CNIH3: variants seen among roughly 807,000 people sequenced by gnomAD.
CNIH3 encodes protein cornichon homolog 3.
A neutral mutation model predicts 24.1 loss-of-function variants in CNIH3; 14 were observed. That is an observed-to-expected ratio of 0.58 (90% CI 0.38 to 0.91). The LOEUF is 0.91. Ranked by LOEUF, CNIH3 falls within the 40% of genes least tolerant of loss-of-function variation. The probability of loss-of-function intolerance (pLI) is 0.00; values close to 1 mark genes in which losing one functional copy is unlikely to be tolerated. For missense variants in CNIH3, 178 were observed against 196.8 expected, an observed-to-expected ratio of 0.90 and a Z score of 0.57; for synonymous variants, 68 against 73.8, an observed-to-expected ratio of 0.92 and a Z score of 0.40.
upstream of CNIH3, among the ~76,000 whole-genome samples, chr1:224,512,217 C>T (rs1192969298): frequency 6.6e-6 from 1 of 150,390 alleles, no homozygotes; most frequent in Non-Finnish European, 1.5e-5. Context: ...GGCATGGTGG[C>T]TCATGCCTGT....
At chr1:224,512,111 G>T (rs1326904998), upstream of CNIH3, among the ~76,000 whole-genome samples, 4 of 151,438 alleles carry the variant, frequency 2.6e-5, no homozygotes, top group Non-Finnish European at 5.9e-5. Flanking sequence ...GGAGGTGGAG[G>T]TTGCAGTGAG....
intron 1 of CNIH3, among the ~76,000 whole-genome samples, chr1:224,502,267 T>C (rs1490278590): frequency 1.3e-5 from 2 of 151,850 alleles, no homozygotes; most frequent in African/African-American, 4.8e-5. Context: ...AAATAAGTGG[T>C]GTGAGTGAGA....
intron 1 of CNIH3, among the ~76,000 whole-genome samples, chr1:224,491,688 C>T (rs1278662186): frequency 6.6e-6 from 1 of 152,108 alleles, no homozygotes; most frequent in Non-Finnish European, 1.5e-5. Flanking sequence ...TCACTGCAAC[C>T]TCTGCCTCCC....
intron 1 of CNIH3, among the ~76,000 whole-genome samples, chr1:224,638,557 C>G (rs1684203177): frequency 1.3e-5 from 2 of 152,154 alleles, no homozygotes; most frequent in African/African-American, 4.8e-5. Flanking sequence ...ATTCTGGGCC[C>G]CAGTTTCCTG....
chr1:224,520,082 C>A (rs906386134), intron 1 of CNIH3, among the ~76,000 whole-genome samples: 1 of 152,172 alleles, frequency 6.6e-6, no homozygotes, highest in Non-Finnish European at 1.5e-5. Context: ...ACAACAGCTG[C>A]ATCTTTGCCA....
intron 3 of CNIH3, among the ~76,000 whole-genome samples, chr1:224,723,325 C>T (rs1419321601): frequency 6.8e-6 from 1 of 145,992 alleles, no homozygotes; most frequent in African/African-American, 2.8e-5. Context: ...CTGGTTTTGA[C>T]CCCCCTTCTC....
chr1:224,606,331 G>A (rs115846121), intron 3 of CNIH3, among the ~76,000 whole-genome samples: 3 of 152,124 alleles, frequency 2.0e-5, no homozygotes, highest in Non-Finnish European at 2.9e-5. Flanking sequence ...GAAGGGTGGC[G>A]AATGTGGAGG....
At chr1:224,583,776 C>T (rs1044975782) in intron 5 of CNIH3, among the ~76,000 whole-genome samples, 5 of 152,058 alleles carry the variant, frequency 3.3e-5, no homozygotes, top group Non-Finnish European at 5.9e-5. Flanking sequence ...GGCTAAAAAT[C>T]CATGAAATAG....
chr1:224,739,546 T>A lies in CNIH3; in HGVS notation c.*190T>A. On this transcript the variant is annotated 3_prime_UTR_variant, in exon 6 of 6. Coordinates refer to ENST00000272133, the MANE Select transcript of CNIH3 (RefSeq NM_152495.2). ...GCCGAGTTAACCCTGCGTGTCTGTGTCACCCTGTTTGTCAATCTTTGGCAT... is the reference window on the plus strand; with the variant it reads ...GCCGAGTTAACCCTGCGTGTCTGTGACACCCTGTTTGTCAATCTTTGGCAT... 1 of 1,037,252 alleles carries A rather than the reference T, an allele frequency of 9.6e-7. No homozygotes were observed. The highest frequency in any genetic ancestry group is 1.4e-6 in the Non-Finnish European group (1 of 721,894). 64.3% of individuals were successfully genotyped at this position (1,037,252 alleles called of 1,614,324 possible). A position where few individuals can be genotyped will look rare whatever the true frequency, so the allele number is the denominator to read the frequency against.
intron 5 of CNIH3, 108 bp downstream of exon 5, chr1:224,734,814 G>A: frequency 8.6e-7 from 1 of 1,157,162 alleles, no homozygotes; most frequent in Non-Finnish European, 1.3e-6. Flanking sequence ...GAGGGTGGGA[G>A]TCATGGCCAT....
At chr1:224,534,047 C>A (rs550821986) in intron 2 of CNIH3, among the ~76,000 whole-genome samples, 1 of 152,282 alleles carries the variant, frequency 6.6e-6, no homozygotes, top group African/African-American at 2.4e-5. Flanking sequence ...TGCCTGTGGT[C>A]CCAGCTACTC....
chr1:224,598,490 C>T (rs1682078184), intron 3 of CNIH3, among the ~76,000 whole-genome samples: 1 of 152,112 alleles, frequency 6.6e-6, no homozygotes, highest in African/African-American at 2.4e-5. Flanking sequence ...AGAATTGACC[C>T]CAATTTTAAA....
intron 1 of CNIH3, among the ~76,000 whole-genome samples, chr1:224,651,570 C>T (rs1162293027): frequency 2.0e-5 from 3 of 152,326 alleles, no homozygotes; most frequent in African/African-American, 7.2e-5. Flanking sequence ...CTTACATAAA[C>T]ACTAATGCTT....
intron 2 of CNIH3, among the ~76,000 whole-genome samples, chr1:224,542,717 T>C (rs61825839): frequency 0.2 from 29,737 of 152,132 alleles, 3,072 homozygotes; most frequent in South Asian, 0.35. Flanking sequence ...ACAGCCAAGG[T>C]GTCTTCCTAG....
chr1:224,636,734 G>A (rs1183106527), intron 1 of CNIH3, among the ~76,000 whole-genome samples: 1 of 152,126 alleles, frequency 6.6e-6, no homozygotes, highest in Non-Finnish European at 1.5e-5. Context: ...GGCATTGGTT[G>A]TTTTCTGGAT....
At chr1:224,720,353 G>A (rs938778394) in intron 3 of CNIH3, among the ~76,000 whole-genome samples, 4 of 151,726 alleles carry the variant, frequency 2.6e-5, no homozygotes, top group African/African-American at 9.7e-5. Flanking sequence ...GCATAGCGGT[G>A]CATGAGGTCA....
At chr1:224,570,574 G>A (rs1245642514) in intron 4 of CNIH3, among the ~76,000 whole-genome samples, 2 of 152,072 alleles carry the variant, frequency 1.3e-5, no homozygotes, top group African/African-American at 4.8e-5. Context: ...ACTTCTTTAT[G>A]TATTTTGATA....
intron 3 of CNIH3, among the ~76,000 whole-genome samples, chr1:224,556,781 T>C (rs1490670129): frequency 6.6e-6 from 1 of 152,136 alleles, no homozygotes; most frequent in Admixed American, 6.6e-5. Flanking sequence ...TGTGGCCTGG[T>C]TCCTAACACG....
At chr1:224,701,399 G>A (rs1247148385) in intron 3 of CNIH3, among the ~76,000 whole-genome samples, 1 of 152,096 alleles carries the variant, frequency 6.6e-6, no homozygotes, top group Non-Finnish European at 1.5e-5. Flanking sequence ...CCACTTCCTG[G>A]TTCATAGACA....
Sources: gnomAD v4.1 joint callset for allele counts (sites outside exome capture counted in the v4.1 genomes callset) on GRCh38, gnomAD v4.1.1 for gene constraint, MANE v1.5 for transcripts, NCBI Gene and HGNC (gene_info 2026-07-23, HGNC 2026-07-21) for gene names.